The following CGB3 variants were observed in gnomAD, a reference collection of about 807,000 sequenced individuals.
CGB3 encodes the protein chorionic gonadotropin subunit beta 3.
CGB3 carries 3 observed loss-of-function variants against 5.1 expected under a neutral mutation model. The observed-to-expected ratio is 0.59, with a 90% CI of 0.27 to 1.52. The LOEUF is 1.52. CGB3 is among the 40% of genes most tolerant of loss of function. The pLI is 0.13. For missense variants in CGB3, 44 were observed against 183.7 expected (o/e 0.24, Z 4.39); for synonymous variants, 21 against 80.9 (o/e 0.26, Z 3.97).
At position 49,022,889 on chromosome 19, in the gene CGB3, T is replaced by C. The variant is rs148118323; in HGVS notation, c.495A>G (p.Gln165=). 72 of 1,577,810 alleles carry C rather than the reference T, an allele frequency of 4.6e-5. 1 individual carries two copies. The African/African-American group carries it at 8.3e-4, about 18-fold the overall frequency. The change falls in exon 3 of 3, where the codon CAA becomes CAG. Residue 165 remains glutamine (Q), a synonymous_variant. Transcript: ENST00000357383. ...PGPSDTPILP[Q] ...CAGAGTGCGGATTGAGAAGCCTTTATTGTGGGAGGATCGGGGTGTCCGAGG... is the reference window on the plus strand; with the variant it reads ...CAGAGTGCGGATTGAGAAGCCTTTACTGTGGGAGGATCGGGGTGTCCGAGG...
intron 1 of CGB3, 133 bp downstream of exon 1, chr19:49,023,824 A>T (rs1320175435): frequency 1.3e-6 from 2 of 1,563,864 alleles, no homozygotes; most frequent in Non-Finnish European, 1.7e-6. Context: ...GAAATGCCCC[A>T]CCTGAAGCTT....
In CGB3 at chr19:49,024,236, G is replaced by C. The variant is rs545685521; in HGVS notation, c.-265C>G. 7.2e-6 allele frequency: 10 copies of C among 1,395,780 alleles called. No homozygotes were observed. Among genetic ancestry groups the C allele is most frequent in the Non-Finnish European group, 8.4e-6 (9 of 1,072,602 alleles). The allele number at this position is 1,395,780 out of a possible 1,614,324, so 86.5% of individuals were successfully genotyped here. A position where few individuals can be genotyped will look rare whatever the true frequency, so the allele number is the denominator to read the frequency against. ...AGTCGTCGAGTGCTAGGGACTAGTC[G>C]AGGCTGGAGGCACAGGGAGTAGGGT... On this transcript the variant is annotated 5_prime_UTR_variant, in exon 1 of 3. Transcript: ENST00000357383.
In CGB3 at chr19:49,024,065, G is replaced by A; in HGVS notation, c.-94C>T. 7 of 1,600,328 alleles carry A rather than the reference G, an allele frequency of 4.4e-6. No homozygotes were observed. The highest frequency in any genetic ancestry group is 6.0e-6 in the Non-Finnish European group (7 of 1,168,294). On this transcript the variant is annotated 5_prime_UTR_variant, in exon 1 of 3. Transcript: ENST00000357383. ...AGGAGGTGATAGGATGCTGGGGTGA[G>A]CTCGACACTAACCCCTCGGGGGGCA...
chr19:49,024,285 T>A lies in CGB3; in HGVS notation c.-314A>T, dbSNP rs2039649754. ...GTGTAGGAAGGCCTGCCTCTGCCTA[T>A]GGTGGGGTCCTGGGAGCCAGGAGGA... On this transcript the variant is annotated 5_prime_UTR_variant, in exon 1 of 3. Transcript: ENST00000357383. The A allele has an allele frequency of 9.5e-7, 1 of 1,049,576 alleles. No homozygotes were observed. Among genetic ancestry groups the A allele is most frequent in the Non-Finnish European group, 1.3e-6 (1 of 796,048 alleles). The allele number at this position is 1,049,576 out of a possible 1,614,324, so 65.0% of individuals were successfully genotyped here.
Position 49,023,077 on chromosome 19 carries a change from C to A in CGB3, c.307G>T (p.Ala103Ser). The A allele has an allele frequency of 6.9e-7, 1 of 1,443,618 alleles. No individual in the cohort carries two copies. Among genetic ancestry groups the A allele is most frequent in the Non-Finnish European group, 9.3e-7 (1 of 1,069,830 alleles). 89.4% of individuals were successfully genotyped at this position (1,443,618 alleles called of 1,614,324 possible). ...PRGVNPVVSY[A>S]VALSCQCALC... ...GCACATTGACAGCTGAGAGCCACGG[C>A]GTAGGAGACCACGGGGTTCACGCCG... Residue 103 changes from alanine (A) to serine (S), a missense_variant, in exon 3 of 3, where the codon GCC becomes TCC. This residue lies in a region of CGB3 where 32 missense variants were observed against 139.4 expected (regional missense o/e 0.23). Coordinates refer to ENST00000357383, the MANE Select transcript of CGB3 (RefSeq NM_000737.5).
chr19:49,023,695 C>G (rs1005451326), intron 1 of CGB3, 92 bp from the exon 2 acceptor site: 1 of 1,409,860 alleles, frequency 7.1e-7, no homozygotes, highest in African/African-American at 1.5e-5. Flanking sequence ...CACAAAGACC[C>G]AGAGACCCTT....
At position 49,023,175 on chromosome 19, in the gene CGB3, G is replaced by C. The variant is rs1381624041; in HGVS notation, c.209C>G (p.Pro70Arg). ...TMTRVLQGVL[P>R]ALPQVVCNYR... Reference sequence around the variant, plus strand: ...GTTGCACACCACCTGAGGCAGGGCCGGCAGGACCCCCTGCAGCACGCGGGT... The same window carrying C: ...GTTGCACACCACCTGAGGCAGGGCCCGCAGGACCCCCTGCAGCACGCGGGT... The change falls in exon 3 of 3, where the codon CCG (proline) becomes CGG (arginine). Residue 70 changes from proline to arginine, a missense_variant. Physicochemically the swap from Pro to Arg is moderately radical, Grantham distance 103 (BLOSUM62 -2). Coordinates refer to ENST00000357383, the MANE Select transcript of CGB3 (RefSeq NM_000737.5). 1.0e-6 allele frequency: 1 copy of C among 965,056 alleles called. No individual in the cohort carries two copies. Among genetic ancestry groups the C allele is most frequent in the East Asian group, 2.7e-5 (1 of 37,606 alleles). 59.8% of individuals were successfully genotyped at this position (965,056 alleles called of 1,614,324 possible).
At chr19:49,023,812 A>T (rs2039643733) in intron 1 of CGB3, 145 bp downstream of exon 1, 1 of 1,490,854 alleles carries the variant, frequency 6.7e-7, no homozygotes, top group Admixed American at 2.0e-5. Context: ...CCGCACCTTC[A>T]GGAAATGCCC....
At position 49,024,152 on chromosome 19, in the gene CGB3, C is replaced by T; in HGVS notation, c.-181G>A. 8.2e-7 allele frequency: 1 copy of T among 1,225,852 alleles called. No homozygotes were observed. 75.9% of individuals were successfully genotyped at this position (1,225,852 alleles called of 1,614,324 possible). Reference sequence around the variant, plus strand: ...CAGCGGAGCGCCCCAGCCCTCTCCTCTCACTGGTCCAGCGCCAAGGGTGAG... The same window carrying T: ...CAGCGGAGCGCCCCAGCCCTCTCCTTTCACTGGTCCAGCGCCAAGGGTGAG... On this transcript the variant is annotated 5_prime_UTR_variant, in exon 1 of 3. Transcript: ENST00000357383.
In CGB3 at chr19:49,024,231, T is replaced by A. The variant is rs1281592581; in HGVS notation, c.-260A>T. 7.1e-7 allele frequency: 1 copy of A among 1,401,782 alleles called. No individual in the cohort carries two copies. The highest frequency in any genetic ancestry group is 9.3e-7 in the Non-Finnish European group (1 of 1,075,732). 86.8% of individuals were successfully genotyped at this position (1,401,782 alleles called of 1,614,324 possible). On this transcript the variant is annotated 5_prime_UTR_variant, in exon 1 of 3. Transcript: ENST00000357383. ...GACTCAGTCGTCGAGTGCTAGGGAC[T>A]AGTCGAGGCTGGAGGCACAGGGAGT...
rs768651866 is a variant in CGB3, at chr19:49,024,023, G to T, written c.-52C>A. On this transcript the variant is annotated 5_prime_UTR_variant, in exon 1 of 3. Coordinates refer to ENST00000357383, the MANE Select transcript of CGB3 (RefSeq NM_000737.5). ...CCTGGCTTTATACCTCGGGGTTGTG[G>T]GGGCGGCAAGGCCACCAGGAGGTGA... 1.9e-6 allele frequency: 3 copies of T among 1,607,004 alleles called. No homozygotes were observed. Among genetic ancestry groups the T allele is most frequent in the Non-Finnish European group, 2.6e-6 (3 of 1,174,364 alleles).
chr19:49,022,875 T>C lies in CGB3; in HGVS notation c.*11A>G. The C allele has an allele frequency of 6.4e-7, 1 of 1,565,732 alleles. No individual in the cohort carries two copies. Among genetic ancestry groups the C allele is most frequent in the Non-Finnish European group, 8.7e-7 (1 of 1,155,970 alleles). Reference sequence around the variant, plus strand: ...CAGAAAGACACCTCCAGAGTGCGGATTGAGAAGCCTTTATTGTGGGAGGAT... The same window carrying C: ...CAGAAAGACACCTCCAGAGTGCGGACTGAGAAGCCTTTATTGTGGGAGGAT... On this transcript the variant is annotated 3_prime_UTR_variant, in exon 3 of 3. Transcript: ENST00000357383.
chr19:49,024,136 G>A lies in CGB3; in HGVS notation c.-165C>T, dbSNP rs547613180. ...GGGCGCAGGAGTGGCTCAGCGGAGC[G>A]CCCCAGCCCTCTCCTCTCACTGGTC... On this transcript the variant is annotated 5_prime_UTR_variant, in exon 1 of 3. Transcript: ENST00000357383. The A allele has an allele frequency of 1.7e-4, 226 of 1,295,706 alleles. No homozygotes were observed. Among genetic ancestry groups the A allele is most frequent in the South Asian group, 1.3e-3 (98 of 72,618 alleles). 80.3% of individuals were successfully genotyped at this position (1,295,706 alleles called of 1,614,324 possible).
rs1237156127 is a variant in CGB3, at chr19:49,024,234, T to C, written c.-263A>G. On this transcript the variant is annotated 5_prime_UTR_variant, in exon 1 of 3. Transcript: ENST00000357383. ...TCAGTCGTCGAGTGCTAGGGACTAG[T>C]CGAGGCTGGAGGCACAGGGAGTAGG... is the stretch of plus-strand genomic sequence containing the variant. 5.7e-6 allele frequency: 8 copies of C among 1,401,902 alleles called. No individual in the cohort carries two copies. The Admixed American group carries it at 8.6e-5, about 15-fold the overall frequency. The allele number at this position is 1,401,902 out of a possible 1,614,324, so 86.8% of individuals were successfully genotyped here. A position where few individuals can be genotyped will look rare whatever the true frequency, so the allele number is the denominator to read the frequency against.
At position 49,023,992 on chromosome 19, in the gene CGB3, CGT is replaced by C; in HGVS notation, c.-23_-22del. 2 of 1,608,134 alleles carry C rather than the reference CGT, an allele frequency of 1.2e-6. No individual in the cohort carries two copies. Among genetic ancestry groups the C allele is most frequent in the Middle Eastern group, 1.7e-4 (1 of 5,908 alleles). On this transcript the variant is annotated 5_prime_UTR_variant, in exon 1 of 3. Coordinates refer to ENST00000357383, the MANE Select transcript of CGB3 (RefSeq NM_000737.5). ...TCCATCCTTGGTGCGTCCCCTGCCTCGTGTACCTGGCTTTATACCTCGGGGTT... is the reference window on the plus strand; with the variant it reads ...TCCATCCTTGGTGCGTCCCCTGCCTCGTACCTGGCTTTATACCTCGGGGTT...
Position 49,024,077 on chromosome 19 carries a change from C to T in CGB3, c.-106G>A. The T allele has an allele frequency of 6.2e-7, 1 of 1,602,674 alleles. No homozygotes were observed. The highest frequency in any genetic ancestry group is 8.5e-7 in the Non-Finnish European group (1 of 1,170,758). Reference sequence around the variant, plus strand: ...GATGCTGGGGTGAGCTCGACACTAACCCCTCGGGGGGCAAGAGGTAGACAA... The same window carrying T: ...GATGCTGGGGTGAGCTCGACACTAATCCCTCGGGGGGCAAGAGGTAGACAA... On this transcript the variant is annotated 5_prime_UTR_variant, in exon 1 of 3. Coordinates refer to ENST00000357383, the MANE Select transcript of CGB3 (RefSeq NM_000737.5).
chr19:49,023,976 G>C lies in CGB3; in HGVS notation c.-5C>G, dbSNP rs1430663977. The C allele has an allele frequency of 6.2e-7, 1 of 1,613,126 alleles. No individual in the cohort carries two copies. The highest frequency in any genetic ancestry group is 1.3e-5 in the African/African-American group (1 of 74,716). ...TCTTACCTGGAACATCTCCATCCTT[G>C]GTGCGTCCCCTGCCTCGTGTACCTG... On this transcript the variant is annotated 5_prime_UTR_variant, in exon 1 of 3. Coordinates refer to ENST00000357383, the MANE Select transcript of CGB3 (RefSeq NM_000737.5).
At chr19:49,023,723 A>C in intron 1 of CGB3, 120 bp from the exon 2 acceptor site, 1 of 1,421,198 alleles carries the variant, frequency 7.0e-7, no homozygotes, top group East Asian at 2.5e-5. Context: ...TCTCCTATTC[A>C]GGACCCACCA....
In CGB3 at chr19:49,023,965, T is replaced by C; in HGVS notation, c.7A>G (p.Met3Val). Reference sequence around the variant, plus strand: ...GGGCCCTGCAGTCTTACCTGGAACATCTCCATCCTTGGTGCGTCCCCTGCC... The same window carrying C: ...GGGCCCTGCAGTCTTACCTGGAACACCTCCATCCTTGGTGCGTCCCCTGCC... MEMFQGLLLLLLL... is the reference protein window; with the variant it reads MEVFQGLLLLLLL... Residue 3 changes from methionine to valine, a missense_variant, in exon 1 of 3, where the codon ATG becomes GTG. Physicochemically the swap from Met to Val is conservative, Grantham distance 21. This residue lies in a region of CGB3 where 12 missense variants were observed against 25.0 expected (regional missense o/e 0.48). Transcript: ENST00000357383. The C allele has an allele frequency of 2.5e-6, 4 of 1,613,104 alleles. No individual in the cohort carries two copies. Among genetic ancestry groups the C allele is most frequent in the Non-Finnish European group, 3.4e-6 (4 of 1,179,730 alleles).
Sources: gnomAD v4.1 joint callset for allele counts on GRCh38, gnomAD v4.1.1 for gene constraint, gnomAD v4.1.1 regional missense constraint, MANE v1.5 for transcripts, NCBI Gene and HGNC (gene_info 2026-07-23, HGNC 2026-07-21) for gene names.